The following LPIN2 variants were observed in gnomAD, a reference collection of about 807,000 sequenced individuals.
LPIN2 encodes lipin 2.
Under a neutral mutation model 111.4 loss-of-function variants are expected in LPIN2, and 55 were observed. That is an observed-to-expected ratio of 0.49 (90% CI 0.40 to 0.62). The LOEUF is 0.62. Ranked by LOEUF, LPIN2 falls within the 20% of genes least tolerant of loss-of-function variation. The probability of loss-of-function intolerance (pLI) is 0.00; values close to 1 mark genes in which losing one functional copy is unlikely to be tolerated. For missense variants in LPIN2, 992 were observed against 1,112.1 expected (o/e 0.89, Z 1.54); for synonymous variants, 425 against 414.0 (o/e 1.03, Z -0.32).
At position 2,939,397 on chromosome 18, in the gene LPIN2, T is replaced by C. The variant is rs553768718; in HGVS notation, c.822+83A>G. 5 of 1,540,100 alleles carry C rather than the reference T, an allele frequency of 3.2e-6. No individual in the cohort carries two copies. In the African/African-American group the frequency reaches 4.1e-5, roughly 13 times the overall value. ...ACATTCATGAGAGCTCAGTCAGAAA[T>C]TGCCTCCTTTACTTATGGGCAGAGG... On this transcript the variant is annotated intron_variant, in intron 6 of 19. Transcript: ENST00000677752.
intron 1 of LPIN2, among the ~76,000 whole-genome samples, chr18:2,966,842 G>A (rs660716): frequency 0.5 from 76,109 of 151,984 alleles, 20,641 homozygotes; most frequent in Non-Finnish European, 0.61. Context: ...TACGGACAGA[G>A]GTTAAAACAG....
At chr18:2,965,514 A>C (rs576980563) in intron 1 of LPIN2, among the ~76,000 whole-genome samples, 1 of 152,274 alleles carries the variant, frequency 6.6e-6, no homozygotes, top group East Asian at 1.9e-4. Flanking sequence ...AGATCACTTG[A>C]GGTCAGGAGT....
chr18:2,950,766 G>A (rs993642095), intron 4 of LPIN2: 9 of 450,764 alleles, frequency 2.0e-5, no homozygotes, highest in African/African-American at 1.4e-4. Context: ...CTCACCGAGG[G>A]GCAAATCACT....
chr18:2,925,541 T>C lies in LPIN2; in HGVS notation c.1794-173A>G, dbSNP rs1173082227. 1.3e-5 allele frequency among the ~76,000 whole-genome samples: 2 copies of C among 152,218 alleles called. No homozygotes were observed. Among genetic ancestry groups the C allele is most frequent in the African/African-American group, 2.4e-5 (1 of 41,454 alleles). On this transcript the variant is annotated intron_variant, in intron 13 of 19. Transcript: ENST00000677752. The surrounding 1 kb of genome is among the most constrained non-coding windows in gnomAD (Gnocchi z 4.1). ...GCTCTGTACGCCTGAAATATTCATA[T>C]TGTTAACTGATAAGGCCACTTTCAT...
intron 1 of LPIN2, among the ~76,000 whole-genome samples, chr18:2,978,351 G>A (rs1317837845): frequency 1.3e-5 from 2 of 152,082 alleles, no homozygotes; most frequent in Non-Finnish European, 2.9e-5. Context: ...TCAAGTGATC[G>A]GGAAAACTTA....
Position 2,925,356 on chromosome 18 carries a change from A to G in LPIN2, c.1806T>C (p.Asn602=), listed in dbSNP as rs775956662. Residue 602 remains asparagine, a synonymous_variant, in exon 14 of 20, where the codon AAT becomes AAC. Coordinates refer to ENST00000677752, the MANE Select transcript of LPIN2 (RefSeq NM_001375808.2). The surrounding 1 kb of genome is among the most constrained non-coding windows in gnomAD (Gnocchi z 4.1). ...GTGATCCCTCGTCACTCGAGGAGTC[A>G]TTCTCGGCCGGCCTGTTCAACATTA... is the stretch of plus-strand genomic sequence containing the variant. The part of the protein sequence containing the change: ...KEPAGARPAE[N]DSSSDEGSQE... 2 of 1,614,142 alleles carry G rather than the reference A, an allele frequency of 1.2e-6. No individual in the cohort carries two copies. The highest frequency in any genetic ancestry group is 2.7e-5 in the African/African-American group (2 of 75,028).
Position 2,920,308 on chromosome 18 carries a change from C to G in LPIN2, c.2676G>C (p.Leu892=). Residue 892 remains leucine (L), a synonymous_variant, in exon 20 of 20, where the codon CTG becomes CTC. Transcript: ENST00000677752. ...AGGTGCCGCCTCAAGACAGGTCATC[C>G]AGGTCCACTTCAGGGATCGGGTCTC... ...YWRDPIPEVD[L]DDLS 1.2e-6 allele frequency: 2 copies of G among 1,614,162 alleles called. No individual in the cohort carries two copies. The highest frequency in any genetic ancestry group is 1.7e-6 in the Non-Finnish European group (2 of 1,180,044).
In LPIN2 at chr18:2,943,962, C is replaced by T. The variant is rs1280711457; in HGVS notation, c.591-3250G>A. ...TAAATTTTTCTTTGTAAGAATTCCG[C>T]AAATGCCAAGGAAAAGAAAAGACTC... On this transcript the variant is annotated intron_variant, in intron 4 of 19. Transcript: ENST00000677752. Among the ~76,000 whole-genome samples, 5 of 152,110 alleles carry T rather than the reference C, an allele frequency of 3.3e-5. 1 individual carries two copies.
chr18:2,944,276 A>C (rs1274226851), intron 4 of LPIN2, among the ~76,000 whole-genome samples: 2 of 149,232 alleles, frequency 1.3e-5, no homozygotes, highest in Non-Finnish European at 1.5e-5. Flanking sequence ...AACATGTAAT[A>C]GTCATAAAGC....
At chr18:3,008,280 A>C (rs964970029) in intron 1 of LPIN2, among the ~76,000 whole-genome samples, 3 of 152,176 alleles carry the variant, frequency 2.0e-5, no homozygotes, top group Non-Finnish European at 4.4e-5. Flanking sequence ...TGTCCTACAG[A>C]AAAGTACAAA....
intron 17 of LPIN2, 71 bp downstream of exon 17, chr18:2,921,976 C>A (rs1244330853): frequency 2.6e-6 from 4 of 1,528,876 alleles, no homozygotes; most frequent in Non-Finnish European, 3.5e-6. Context: ...TCCCACACAT[C>A]CCCCCACCTT....
intron 4 of LPIN2, chr18:2,948,237 G>C (rs1395838535): frequency 1.3e-5 from 2 of 151,984 alleles, no homozygotes; most frequent in African/African-American, 4.8e-5. Context: ...CCAACCTCCT[G>C]AAAACGACTG....
At chr18:2,975,886 T>C (rs1244077502) in intron 1 of LPIN2, among the ~76,000 whole-genome samples, 1 of 152,172 alleles carries the variant, frequency 6.6e-6, no homozygotes, top group Non-Finnish European at 1.5e-5. Flanking sequence ...ATCACTGACA[T>C]TGGTGGGATA....
At chr18:2,945,432 G>T (rs2077435953) in intron 4 of LPIN2, 5 of 634,920 alleles carry the variant, frequency 7.9e-6, no homozygotes, top group Non-Finnish European at 1.4e-5. Flanking sequence ...TGTTAACCCT[G>T]AAATGCCACA....
At chr18:2,956,329 TG>T (rs2077615887) in intron 2 of LPIN2, among the ~76,000 whole-genome samples, 1 of 148,904 alleles carries the variant, frequency 6.7e-6, no homozygotes, top group Non-Finnish European at 1.5e-5. Flanking sequence ...TGTGTGTGTG[TG>T]TGTGTGTGTG....
chr18:2,983,485 A>C (rs1411562400), intron 1 of LPIN2, among the ~76,000 whole-genome samples: 1 of 152,252 alleles, frequency 6.6e-6, no homozygotes, highest in African/African-American at 2.4e-5. Flanking sequence ...TTTTCTAAAA[A>C]CCGCAAACAC....
At chr18:2,966,183 T>G (rs1274962947) in intron 1 of LPIN2, among the ~76,000 whole-genome samples, 1 of 152,208 alleles carries the variant, frequency 6.6e-6, no homozygotes, top group Non-Finnish European at 1.5e-5. Flanking sequence ...GCAATCCACC[T>G]GCCTTGGCTT....
At chr18:2,935,785 G>C (rs2077277571) in intron 7 of LPIN2, among the ~76,000 whole-genome samples, 1 of 152,124 alleles carries the variant, frequency 6.6e-6, no homozygotes, top group Non-Finnish European at 1.5e-5. Context: ...ACTGTATGTG[G>C]ATGAATGGAG....
intron 1 of LPIN2, among the ~76,000 whole-genome samples, chr18:2,982,071 TG>T (rs2078119315): frequency 6.6e-6 from 1 of 152,196 alleles, no homozygotes; most frequent in Non-Finnish European, 1.5e-5. Flanking sequence ...TTACATAACT[TG>T]TTCTAAGTTA....
Sources: gnomAD v4.1 joint callset for allele counts (sites outside exome capture counted in the v4.1 genomes callset) on GRCh38, gnomAD v4.1.1 for gene constraint, Gnocchi (gnomAD v3.1) non-coding constraint, MANE v1.5 for transcripts, NCBI Gene and HGNC (gene_info 2026-07-23, HGNC 2026-07-21) for gene names.